SOAT1: variants seen among roughly 807,000 people sequenced by gnomAD.
SOAT1 encodes the protein acyl-coenzyme A:cholesterol acyltransferase 1.
SOAT1 carries 55 observed loss-of-function variants against 69.5 expected under a neutral mutation model. The observed-to-expected ratio is 0.79, with a 90% CI of 0.64 to 0.99. SOAT1 has a LOEUF of 0.99. Ranked by LOEUF, SOAT1 falls within the 50% of genes least tolerant of loss-of-function variation. The pLI is 0.00. For missense variants in SOAT1, 580 were observed against 669.3 expected (o/e 0.87, Z 1.47); for synonymous variants, 231 against 224.7 (o/e 1.03, Z -0.25).
chr1:179,345,143 T>C, intron 11 of SOAT1, 67 bp downstream of exon 11: 2 of 1,534,010 alleles, frequency 1.3e-6, no homozygotes, highest in Non-Finnish European at 1.8e-6. Flanking sequence ...CTATTGCCTA[T>C]GAGCACCTTT....
chr1:179,298,691 T>C (rs1664735387), intron 1 of SOAT1, among the ~76,000 whole-genome samples: 1 of 152,294 alleles, frequency 6.6e-6, no homozygotes, highest in South Asian at 2.1e-4. Flanking sequence ...ACACTTAATA[T>C]TAGCCTACAG....
At chr1:179,342,258 T>G in intron 8 of SOAT1, 66 bp downstream of exon 8, 2 of 746,082 alleles carry the variant, frequency 2.7e-6, no homozygotes, top group Non-Finnish European at 3.9e-6. Flanking sequence ...CCCCATTCCC[T>G]TCCCTTCCCT....
intron 1 of SOAT1, among the ~76,000 whole-genome samples, chr1:179,295,120 CTT>C (rs1467412495): frequency 1.3e-5 from 2 of 152,166 alleles, no homozygotes; most frequent in Non-Finnish European, 2.9e-5. Context: ...GTTTCGCAGT[CTT>C]TTAGGATAAA....
intron 10 of SOAT1, 35 bp from the exon 11 acceptor site, chr1:179,344,912 A>G (rs1157718666): frequency 2.5e-6 from 4 of 1,611,072 alleles, no homozygotes; most frequent in Non-Finnish European, 3.4e-6. Context: ...TTATTAAGCC[A>G]TCGTTATTAT....
At chr1:179,321,429 C>G (rs1665599363) in intron 2 of SOAT1, among the ~76,000 whole-genome samples, 1 of 152,180 alleles carries the variant, frequency 6.6e-6, no homozygotes, top group Non-Finnish European at 1.5e-5. Context: ...CTTGGCCTCC[C>G]AAAGTGTGGG....
At chr1:179,341,917 T>C in intron 7 of SOAT1, 197 bp from the exon 8 acceptor site, 1 of 347,024 alleles carries the variant, frequency 2.9e-6, no homozygotes. Flanking sequence ...ATTTTCATAA[T>C]TAAAAACTTC....
chr1:179,336,386 A>G (rs1666154951), intron 4 of SOAT1, among the ~76,000 whole-genome samples: 1 of 150,110 alleles, frequency 6.7e-6, no homozygotes, highest in Admixed American at 6.7e-5. Flanking sequence ...AGGCATGAGA[A>G]TCGCTTGAAC....
At chr1:179,335,384 C>T in intron 3 of SOAT1, 122 bp from the exon 4 acceptor site, 2 of 813,000 alleles carry the variant, frequency 2.5e-6, no homozygotes, top group African/African-American at 1.7e-5. Flanking sequence ...TGCTTTTACT[C>T]CTGCGAACTC....
chr1:179,331,022 G>A lies in SOAT1; in HGVS notation c.178-4484G>A, dbSNP rs34959223. 2.1e-3 allele frequency among the ~76,000 whole-genome samples: 315 copies of A among 152,302 alleles called. 1 individual carries two copies. Among genetic ancestry groups the A allele is most frequent in the Non-Finnish European group, 3.8e-3 (260 of 68,026 alleles). On this transcript the variant is annotated intron_variant, in intron 3 of 15. Transcript: ENST00000367619. ...AAAGGGGGTAGGCACTGATAGGGTT[G>A]ACAAATAACAGTTTCTACTATGGCT...
rs752082050 is a variant in SOAT1 at position 179,310,210 on chromosome 1, A to AT, written c.118+7416dup. On this transcript the variant is annotated intron_variant, in intron 2 of 15. Transcript: ENST00000367619. ...CCACCACGCCTGGCTGCTTATAGAT[A>AT]TTTTTTTTGTCATGCTTAGAAATCA... Among the ~76,000 whole-genome samples, 6 of 150,186 alleles carry AT rather than the reference A, an allele frequency of 4.0e-5. No homozygotes were observed. In the East Asian group the frequency reaches 9.7e-4, roughly 24 times the overall value.
intron 2 of SOAT1, among the ~76,000 whole-genome samples, chr1:179,317,532 C>CA (rs61402247): frequency 0.061 from 6,431 of 106,218 alleles, 252 homozygotes; most frequent in African/African-American, 0.097. Flanking sequence ...GACTCCGTCT[C>CA]AAAAAAAAAA....
intron 10 of SOAT1, among the ~76,000 whole-genome samples, 155 bp downstream of exon 10, chr1:179,343,790 G>C (rs762687321): frequency 4.7e-4 from 72 of 152,202 alleles, no homozygotes; most frequent in Non-Finnish European, 8.8e-4. Context: ...GGTAAATGGT[G>C]TTTGTTTTGC....
chr1:179,308,667 G>A (rs532092596), intron 2 of SOAT1, among the ~76,000 whole-genome samples: 2 of 101,766 alleles, frequency 2.0e-5, no homozygotes, highest in South Asian at 3.3e-4. Flanking sequence ...GTAAGACTCC[G>A]TCCAAAAAAA....
intron 3 of SOAT1, among the ~76,000 whole-genome samples, chr1:179,325,146 A>G (rs1206533789): frequency 1.2e-5 from 1 of 85,772 alleles, no homozygotes; most frequent in South Asian, 4.6e-4. Flanking sequence ...TTTAGTGACT[A>G]ATTTTTTTTT....
At position 179,352,077 on chromosome 1, in the gene SOAT1, CT is replaced by C. The variant is rs80115110; in HGVS notation, c.1596+628del. 5.9e-3 allele frequency among the ~76,000 whole-genome samples: 850 copies of C among 144,630 alleles called. 23 individuals carry two copies. The highest frequency in any genetic ancestry group is 0.046 in the Admixed American group (667 of 14,466). 94.9% of individuals were successfully genotyped at this position (144,630 alleles called of 152,430 possible). A position where few individuals can be genotyped will look rare whatever the true frequency, so the allele number is the denominator to read the frequency against. The stretch of plus-strand genomic sequence containing the variant: ...CCTACTACCACCACCTAAAACATAC[CT>C]TTTTTTTTTTTTAAACCTCTTTCTT... On this transcript the variant is annotated intron_variant, in intron 15 of 15. Transcript: ENST00000367619.
At chr1:179,321,070 A>G (rs1045167377) in intron 2 of SOAT1, among the ~76,000 whole-genome samples, 1 of 151,792 alleles carries the variant, frequency 6.6e-6, no homozygotes, top group African/African-American at 2.4e-5. Context: ...CCATGCCTGG[A>G]CAATTTTTAT....
At chr1:179,304,006 G>A (rs906128281) in intron 2 of SOAT1, among the ~76,000 whole-genome samples, 5 of 152,164 alleles carry the variant, frequency 3.3e-5, no homozygotes, top group Middle Eastern at 3.2e-3. Context: ...TGATTTCTGT[G>A]TATTTTCAGT....
At chr1:179,348,777 TG>T in intron 12 of SOAT1, 66 bp from the exon 13 acceptor site, 2 of 114,280 alleles carry the variant, frequency 1.8e-5, no homozygotes, top group Middle Eastern at 1.5e-3. Context: ...TGTGTGTGTG[TG>T]TGTGTGTGTG....
chr1:179,318,250 A>T (rs2124957307), intron 2 of SOAT1, among the ~76,000 whole-genome samples: 1 of 147,858 alleles, frequency 6.8e-6, no homozygotes, highest in South Asian at 2.1e-4. Flanking sequence ...AGATCAATTA[A>T]TCCCACTGCT....
Sources: gnomAD v4.1 joint callset for allele counts (sites outside exome capture counted in the v4.1 genomes callset) on GRCh38, gnomAD v4.1.1 for gene constraint, MANE v1.5 for transcripts, NCBI Gene and HGNC (gene_info 2026-07-23, HGNC 2026-07-21) for gene names.